MIDEAS: variants seen among roughly 807,000 people sequenced by gnomAD.
MIDEAS encodes mitotic deacetylase associated SANT domain protein, also known as mitotic deacetylase-associated SANT domain protein.
A neutral mutation model predicts 102.7 loss-of-function variants in MIDEAS; 26 were observed. The ratio of observed to expected loss-of-function variants is 0.25; its 90% CI spans 0.19 to 0.35. The LOEUF (loss-of-function observed/expected upper bound fraction) is 0.35, where lower values mean the gene tolerates loss of function less well. MIDEAS is among the 10% of genes least tolerant of loss of function. The probability of loss-of-function intolerance (pLI) is 1.00; values close to 1 mark genes in which losing one functional copy is unlikely to be tolerated. For synonymous variants in MIDEAS, 585 were observed against 591.0 expected (o/e 0.99, Z 0.15); for missense variants, 1,231 against 1,435.6 (o/e 0.86, Z 2.30).
At chr14:73,735,805 AC>A (rs1344747512) in intron 3 of MIDEAS, among the ~76,000 whole-genome samples, 9 of 152,222 alleles carry the variant, frequency 5.9e-5, no homozygotes, top group Admixed American at 5.9e-4. Flanking sequence ...TGACTTCACC[AC>A]TACACCATCT....
In MIDEAS at chr14:73,739,325, C is replaced by T; in HGVS notation, c.684G>A (p.Gln228=). The T allele has an allele frequency of 6.2e-7, 1 of 1,608,844 alleles. No individual in the cohort carries two copies. Among genetic ancestry groups the T allele is most frequent in the Admixed American group, 1.7e-5 (1 of 59,890 alleles). The stretch of plus-strand genomic sequence containing the variant: ...GGGGCGGTGGGCCCTGCCGGAAGAC[C>T]TGCCGGTTCACCTGGTGGCCGAATG... The part of the protein sequence containing the change: ...QLAFGHQVNR[Q]VFRQGPPPPN... Residue 228 remains glutamine (Q), a synonymous_variant, in exon 2 of 13, where the codon CAG becomes CAA. Transcript: ENST00000423556.
chr14:73,766,542 A>ATTTCT (rs1188067637), intron 1 of MIDEAS, among the ~76,000 whole-genome samples: 1 of 149,886 alleles, frequency 6.7e-6, no homozygotes, highest in Non-Finnish European at 1.5e-5. Flanking sequence ...TTCCTCTTCC[A>ATTTCT]TTTCTTTTCT....
chr14:73,723,527 G>C (rs1595252854), intron 9 of MIDEAS: 1 of 152,210 alleles, frequency 6.6e-6, no homozygotes, highest in Admixed American at 6.5e-5. Flanking sequence ...TGGTTTTTAG[G>C]AGATACGTGC....
rs372357671 is a variant in MIDEAS, at chr14:73,738,806, C to T, written c.1203G>A (p.Pro401=). 237 of 1,574,200 alleles carry T rather than the reference C, an allele frequency of 1.5e-4. No individual in the cohort carries two copies. The highest frequency in any genetic ancestry group is 2.0e-4 in the Non-Finnish European group (233 of 1,158,932). The change falls in exon 2 of 13, where the codon CCG becomes CCA. Residue 401 remains proline (P), a synonymous_variant. Coordinates refer to ENST00000423556, the MANE Select transcript of MIDEAS (RefSeq NM_001367710.1). ...GQPHPEALGF[P]LELRESQLLP... is the part of the protein sequence containing the mutation. ...GTAGCTGCGACTCCCTCAGCTCCAG[C>T]GGGAATCCCAGAGCTTCAGGATGGG...
rs1279264891 is a variant in MIDEAS at position 73,759,640 on chromosome 14, C to A, written c.-248+123G>T. ...GCAGCGGCCCCCGCGGCCCCCTCTC[C>A]GGGCCGCGCCTGCAGAGCTGCAACC... On this transcript the variant is annotated intron_variant, in intron 1 of 12. Transcript: ENST00000423556. The surrounding 1 kb of genome is among the most constrained non-coding windows in gnomAD (Gnocchi z 6.7). 1.3e-5 allele frequency: 2 copies of A among 150,050 alleles called. No individual in the cohort carries two copies. The highest frequency in any genetic ancestry group is 3.0e-5 in the Non-Finnish European group (2 of 67,316). The allele number at this position is 150,050 out of a possible 1,614,324, so 9.3% of individuals were successfully genotyped here.
At chr14:73,722,671 T>C in intron 10 of MIDEAS, 27 bp downstream of exon 10, 1 of 1,611,272 alleles carries the variant, frequency 6.2e-7, no homozygotes, top group Non-Finnish European at 8.5e-7. Flanking sequence ...CCAGGCTCTA[T>C]GCAGCTGAGG....
At chr14:73,747,080 T>C (rs1256044395) in intron 1 of MIDEAS, among the ~76,000 whole-genome samples, 1 of 152,206 alleles carries the variant, frequency 6.6e-6, no homozygotes, top group East Asian at 1.9e-4. Context: ...ACTCTCACAA[T>C]CTGCTTTCCC....
chr14:73,726,962 C>T lies in MIDEAS; in HGVS notation c.2173G>A (p.Val725Met). 1.9e-6 allele frequency: 3 copies of T among 1,610,896 alleles called. No individual in the cohort carries two copies. Among genetic ancestry groups the T allele is most frequent in the East Asian group, 2.2e-5 (1 of 44,788 alleles). ...TPVSIEPRIN[V>M]GSRFQAEIPL... ...ATTTCTGCCTGGAACCGGGAGCCCA[C>T]GTTGATCCGTCTAGAGGAGTGAAAA... is the stretch of plus-strand genomic sequence containing the variant. The change falls in exon 6 of 13, where the codon GTG (valine) becomes ATG (methionine). Residue 725 changes from valine to methionine, a missense_variant. Coordinates refer to ENST00000423556, the MANE Select transcript of MIDEAS (RefSeq NM_001367710.1).
At position 73,729,968 on chromosome 14, in the gene MIDEAS, G is replaced by T. The variant is rs2053116603; in HGVS notation, c.1767C>A (p.Val589=). Reference sequence around the variant, plus strand: ...GCACGGAAGGCTCCCCCTCCAACTTGACATTCATGTCCTCTGCCTGGAGAA... The same window carrying T: ...GCACGGAAGGCTCCCCCTCCAACTTTACATTCATGTCCTCTGCCTGGAGAA... ...DAQAQAEDMN[V]KLEGEPSVRK... Residue 589 remains valine, a synonymous_variant, in exon 4 of 13, where the codon GTC becomes GTA. Transcript: ENST00000423556. 1.2e-6 allele frequency: 2 copies of T among 1,600,084 alleles called. No individual in the cohort carries two copies. Among genetic ancestry groups the T allele is most frequent in the East Asian group, 4.5e-5 (2 of 44,548 alleles).
At chr14:73,748,113 A>C (rs1156739750) in intron 1 of MIDEAS, among the ~76,000 whole-genome samples, 1 of 152,230 alleles carries the variant, frequency 6.6e-6, no homozygotes, top group Non-Finnish European at 1.5e-5. Context: ...TCTATTTAAC[A>C]TAAAGGAAGA....
chr14:73,719,566 C>T (rs2052955011), intron 11 of MIDEAS, 65 bp from the exon 12 acceptor site: 1 of 1,522,400 alleles, frequency 6.6e-7, no homozygotes, highest in Non-Finnish European at 9.0e-7. Context: ...ATTCTAAAAT[C>T]GCAGGGAACC....
rs1481360745 is a variant in MIDEAS at position 73,729,981 on chromosome 14, T to C, written c.1754A>G (p.Glu585Gly). 6.2e-7 allele frequency: 1 copy of C among 1,603,230 alleles called. No homozygotes were observed. Residue 585 changes from glutamate (E) to glycine (G), a missense_variant, in exon 4 of 13, where the codon GAG becomes GGG. By Grantham distance (98) the Glu-to-Gly change is moderately conservative. Transcript: ENST00000423556. ...CCCCTCCAACTTGACATTCATGTCCTCTGCCTGGAGAAGGAAAGAAAACAA... is the reference window on the plus strand; with the variant it reads ...CCCCTCCAACTTGACATTCATGTCCCCTGCCTGGAGAAGGAAAGAAAACAA... Reference protein sequence around the residue: ...IPGTDAQAQAEDMNVKLEGEP... With the variant: ...IPGTDAQAQAGDMNVKLEGEP...
chr14:73,772,113 A>G (rs2053647372), intron 1 of MIDEAS, among the ~76,000 whole-genome samples: 1 of 152,234 alleles, frequency 6.6e-6, no homozygotes, highest in East Asian at 1.9e-4. Flanking sequence ...TTACTCAGCC[A>G]GTCTATGAAG....
At chr14:73,727,881 A>G (rs2053085854) in intron 4 of MIDEAS, 1 of 195,426 alleles carries the variant, frequency 5.1e-6, no homozygotes. Context: ...TCCAACACTA[A>G]CTCCAACATA....
chr14:73,785,281 A>G (rs2053796399), intron 1 of MIDEAS, among the ~76,000 whole-genome samples: 1 of 152,238 alleles, frequency 6.6e-6, no homozygotes. Flanking sequence ...AAGGCCCTCA[A>G]CAAGACACTG....
At chr14:73,750,950 C>A (rs1313470717) in intron 1 of MIDEAS, among the ~76,000 whole-genome samples, 1 of 152,218 alleles carries the variant, frequency 6.6e-6, no homozygotes, top group Non-Finnish European at 1.5e-5. Flanking sequence ...CTACTATGTG[C>A]CAGGCATGGT....
intron 11 of MIDEAS, 95 bp downstream of exon 11, chr14:73,721,202 T>G: frequency 1.7e-6 from 2 of 1,145,642 alleles, no homozygotes; most frequent in Non-Finnish European, 1.3e-6. Context: ...ATGATTATAA[T>G]GAGGATCACA....
At chr14:73,758,840 CA>C (rs904829786) in intron 1 of MIDEAS, 22 of 154,640 alleles carry the variant, frequency 1.4e-4, no homozygotes, top group African/African-American at 5.0e-4. Flanking sequence ...CTGAAGGCCC[CA>C]GGGCACACGA....
At chr14:73,779,079 A>C (rs2053720392) in intron 1 of MIDEAS, among the ~76,000 whole-genome samples, 2 of 151,886 alleles carry the variant, frequency 1.3e-5, no homozygotes, top group African/African-American at 4.8e-5. Context: ...AACAAACAAA[A>C]AAACAAAATA....
Sources: allele counts gnomAD v4.1 joint callset (sites outside exome capture counted in the v4.1 genomes callset), GRCh38; gene constraint gnomAD v4.1.1; non-coding constraint Gnocchi (gnomAD v3.1); transcripts MANE v1.5; gene names NCBI Gene and HGNC (gene_info 2026-07-23, HGNC 2026-07-21).